Variants in ERICH2 observed in about 807,000 individuals in gnomAD.
ERICH2 encodes glutamate-rich protein 2.
Under a neutral mutation model 17.4 loss-of-function variants are expected in ERICH2, and 17 were observed. The ratio of observed to expected loss-of-function variants is 0.98; its 90% CI spans 0.67 to 1.47. The LOEUF is 1.47. Ranked by LOEUF, ERICH2 falls within the 40% of genes most tolerant of loss-of-function variation. The probability of loss-of-function intolerance (pLI) is 0.00; values close to 1 mark genes in which losing one functional copy is unlikely to be tolerated. For missense variants in ERICH2, 186 were observed against 183.2 expected, an observed-to-expected ratio of 1.01 and a Z score of -0.09; for synonymous variants, 51 against 61.1, an observed-to-expected ratio of 0.83 and a Z score of 0.77.
upstream of ERICH2, among the ~76,000 whole-genome samples, chr2:170,781,666 C>T (rs1206125140): frequency 2.0e-5 from 2 of 99,230 alleles, no homozygotes; most frequent in African/African-American, 5.8e-5. Flanking sequence ...GTTTTTTTTC[C>T]CACAAGCATA....
chr2:170,777,845 G>C, the ERICH2 span: 1 of 405,184 alleles, frequency 2.5e-6, no homozygotes, highest in Non-Finnish European at 4.3e-6. Flanking sequence ...ACTATAGATA[G>C]AAGGACAGTT....
At chr2:170,794,806 A>G (rs1485908796) in intron 3 of ERICH2, among the ~76,000 whole-genome samples, 1 of 152,254 alleles carries the variant, frequency 6.6e-6, no homozygotes, top group Non-Finnish European at 1.5e-5. Flanking sequence ...TTGCCTCACA[A>G]GAGTCCCAAC....
rs149914573 is a variant in ERICH2 at position 170,794,498 on chromosome 2, T to C, written c.274+1578T>C. 8.6e-4 allele frequency among the ~76,000 whole-genome samples: 131 copies of C among 152,354 alleles called. 4 individuals are homozygous for C. The East Asian group carries it at 0.012, about 14-fold the overall frequency. Reference sequence around the variant, plus strand: ...CTATCTTCTGCTGTATCCAATATGCTGTTAAAACTATTTAGTGAGTCCAAG... The same window carrying C: ...CTATCTTCTGCTGTATCCAATATGCCGTTAAAACTATTTAGTGAGTCCAAG... On this transcript the variant is annotated intron_variant, in intron 3 of 4. Transcript: ENST00000409885.
the ERICH2 span, chr2:170,777,793 T>A: frequency 1.7e-6 from 1 of 572,788 alleles, no homozygotes. Context: ...CAGAAATGCA[T>A]GGATTAGCAC....
upstream of ERICH2, chr2:170,779,973 G>A (rs890175607): frequency 9.8e-6 from 4 of 409,904 alleles, no homozygotes; most frequent in Non-Finnish European, 1.3e-5. Context: ...GAAATCTCCT[G>A]AAAGAATTAT....
At chr2:170,796,443 T>TTTG (rs1559257282) in intron 3 of ERICH2, among the ~76,000 whole-genome samples, 3 of 122,814 alleles carry the variant, frequency 2.4e-5, no homozygotes, top group South Asian at 3.3e-4. Context: ...TTTTTTTGTT[T>TTTG]TTTTTTTTTT....
At chr2:170,773,985 G>A in the ERICH2 span, among the ~76,000 whole-genome samples, 1 of 152,190 alleles carries the variant, frequency 6.6e-6, no homozygotes, top group Non-Finnish European at 1.5e-5. Context: ...ACCTCCCAAA[G>A]TGTTGGGATT....
the ERICH2 span, among the ~76,000 whole-genome samples, chr2:170,774,564 C>CTTCTTTTTTTTTTTTTTT: frequency 4.1e-5 from 4 of 98,572 alleles, no homozygotes; most frequent in African/African-American, 1.6e-4. Context: ...AGAGCCCCAT[C>CTTCTTTTTTTTTTTTTTT]TTTTTTTTTT....
At chr2:170,770,816 C>T in the ERICH2 span, 2 of 153,344 alleles carry the variant, frequency 1.3e-5, no homozygotes, top group Non-Finnish European at 3.0e-5. Flanking sequence ...CGGGGCTGTC[C>T]CTCAGCTCGG....
chr2:170,787,089 G>A (rs146256657), intron 2 of ERICH2, among the ~76,000 whole-genome samples: 1 of 152,008 alleles, frequency 6.6e-6, no homozygotes, highest in African/African-American at 2.4e-5. Flanking sequence ...GCTTTGCCAG[G>A]CTGGAGTGCA....
chr2:170,781,314 A>G (rs1285970960), upstream of ERICH2, among the ~76,000 whole-genome samples: 1 of 152,110 alleles, frequency 6.6e-6, no homozygotes, highest in Admixed American at 6.5e-5. Context: ...AAGGAGACAA[A>G]TTGAAAGATT....
chr2:170,773,407 G>T, the ERICH2 span, among the ~76,000 whole-genome samples: 3 of 152,226 alleles, frequency 2.0e-5, no homozygotes, highest in African/African-American at 7.2e-5. Context: ...TGTCCTTCCA[G>T]TTCTGCCTCC....
chr2:170,797,954 T>A (rs1448332426), intron 3 of ERICH2, 87 bp from the exon 9 acceptor site: 1 of 851,166 alleles, frequency 1.2e-6, no homozygotes, highest in South Asian at 1.5e-5. Flanking sequence ...CTGCTCTGAC[T>A]GACAGTTCAA....
At chr2:170,791,603 T>G (rs898523860) in intron 2 of ERICH2, among the ~76,000 whole-genome samples, 1 of 150,640 alleles carries the variant, frequency 6.6e-6, no homozygotes, top group Non-Finnish European at 1.5e-5. Flanking sequence ...GGCAGGAGAA[T>G]GGCGTGAACC....
At chr2:170,792,112 G>A (rs1387148520) in intron 2 of ERICH2, among the ~76,000 whole-genome samples, 1 of 152,040 alleles carries the variant, frequency 6.6e-6, no homozygotes, top group African/African-American at 2.4e-5. Flanking sequence ...TGTAGCCTAA[G>A]TAAGTAAAAA....
intron 2 of ERICH2, among the ~76,000 whole-genome samples, chr2:170,787,440 C>A (rs993479611): frequency 6.6e-6 from 1 of 152,194 alleles, no homozygotes; most frequent in Non-Finnish European, 1.5e-5. Flanking sequence ...TAAGGCAGTG[C>A]CCTTATGGGG....
At chr2:170,793,139 A>C (rs919590809) in intron 3 of ERICH2, among the ~76,000 whole-genome samples, 1 of 152,250 alleles carries the variant, frequency 6.6e-6, no homozygotes, top group Non-Finnish European at 1.5e-5. Flanking sequence ...GCATCGGCTA[A>C]TTACCATCAC....
upstream of ERICH2, among the ~76,000 whole-genome samples, chr2:170,779,404 T>C (rs1700977850): frequency 6.6e-6 from 1 of 152,212 alleles, no homozygotes; most frequent in African/African-American, 2.4e-5. Context: ...AAGAAGTATG[T>C]GGACTCTATA....
At position 170,784,663 on chromosome 2, in the gene ERICH2, GCAGT is replaced by G; in HGVS notation, c.49_52del (p.Val17LeufsTer2). ...TCTTTTAGGTGAAGTGAGCAAAGAT[GCAGT>G]CATTGTAAAGCAGGAGAAAAATAAT... On this transcript the variant is annotated frameshift_variant, in exon 2 of 5. Coordinates refer to ENST00000409885, the Ensembl canonical transcript of ERICH2. LOFTEE classifies it high-confidence loss of function. 1 of 1,524,330 alleles carries G rather than the reference GCAGT, an allele frequency of 6.6e-7. No individual in the cohort carries two copies. Among genetic ancestry groups the G allele is most frequent in the South Asian group, 1.3e-5 (1 of 78,392 alleles). 94.4% of individuals were successfully genotyped at this position (1,524,330 alleles called of 1,614,324 possible). A position where few individuals can be genotyped will look rare whatever the true frequency, so the allele number is the denominator to read the frequency against.
Sources: allele counts gnomAD v4.1 joint callset (sites outside exome capture counted in the v4.1 genomes callset), GRCh38; gene constraint gnomAD v4.1.1; transcripts MANE v1.5; gene names NCBI Gene and HGNC (gene_info 2026-07-23, HGNC 2026-07-21).